Variants in NRXN1 observed in about 807,000 individuals in gnomAD.
The protein encoded by NRXN1 is neurexin 1.
NRXN1 carries 39 observed loss-of-function variants against 150.9 expected under a neutral mutation model. The observed-to-expected ratio is 0.26, with a 90% confidence interval of 0.20 to 0.34. The LOEUF (loss-of-function observed/expected upper bound fraction) is 0.34, where lower values mean the gene tolerates loss of function less well. Among genes scored for constraint, NRXN1 ranks in the 10% least tolerant of loss-of-function variants. The probability of loss-of-function intolerance (pLI) is 1.00; values close to 1 mark genes in which losing one functional copy is unlikely to be tolerated. For synonymous variants in NRXN1, 924 were observed against 757.0 expected (o/e 1.22, Z -3.62); for missense variants, 1,815 against 1,949.9 (o/e 0.93, Z 1.30).
intron 18 of NRXN1, among the ~76,000 whole-genome samples, chr2:50,223,126 G>T (rs1448320796): frequency 2.6e-5 from 4 of 151,748 alleles, no homozygotes; most frequent in African/African-American, 9.7e-5. Flanking sequence ...CCTACAGTAT[G>T]CCTCACTAGT....
chr2:50,491,049 C>A (rs1486604863), intron 15 of NRXN1, among the ~76,000 whole-genome samples: 2 of 152,290 alleles, frequency 1.3e-5, no homozygotes, highest in East Asian at 1.9e-4. Flanking sequence ...GGTGCCATAT[C>A]CTGCTCTAAC....
intron 8 of NRXN1, among the ~76,000 whole-genome samples, chr2:50,607,963 T>G (rs1378236983): frequency 2.6e-5 from 4 of 151,982 alleles, no homozygotes; most frequent in Admixed American, 6.6e-5. Flanking sequence ...GCCCTCAGTG[T>G]AATCAGATGA....
intron 5 of NRXN1, among the ~76,000 whole-genome samples, chr2:50,707,753 A>G (rs1694637235): frequency 6.6e-6 from 1 of 152,170 alleles, no homozygotes; most frequent in African/African-American, 2.4e-5. Context: ...CTCATACGGA[A>G]GAGCATATCC....
chr2:50,474,618 C>T (rs61331194), intron 15 of NRXN1, among the ~76,000 whole-genome samples: 1 of 138,028 alleles, frequency 7.2e-6, no homozygotes, highest in East Asian at 2.3e-4. Context: ...CAGTCTCACA[C>T]AACGTTCCGT....
At chr2:50,082,980 G>A (rs1573805962) in intron 19 of NRXN1, among the ~76,000 whole-genome samples, 1 of 151,606 alleles carries the variant, frequency 6.6e-6, no homozygotes, top group Non-Finnish European at 1.5e-5. Context: ...TTTGTTTTGG[G>A]GGCAAAAAAT....
chr2:50,379,342 G>A (rs1006314360), intron 17 of NRXN1, among the ~76,000 whole-genome samples: 28 of 151,974 alleles, frequency 1.8e-4, no homozygotes, highest in Admixed American at 1.6e-3. Context: ...AGAAAGGCTG[G>A]AAAAAAAGGG....
At chr2:50,535,826 T>G (rs987010960) in intron 10 of NRXN1, among the ~76,000 whole-genome samples, 3 of 152,176 alleles carry the variant, frequency 2.0e-5, no homozygotes, top group African/African-American at 7.2e-5. Context: ...AACATAATTT[T>G]TCCATGTTGA....
At chr2:50,732,362 A>G (rs1244903579) in intron 5 of NRXN1, among the ~76,000 whole-genome samples, 2 of 152,124 alleles carry the variant, frequency 1.3e-5, no homozygotes, top group African/African-American at 4.8e-5. Context: ...AATTACTATT[A>G]GGATAAAAAT....
chr2:50,835,690 A>G (rs1325059458), intron 5 of NRXN1, among the ~76,000 whole-genome samples: 1 of 152,236 alleles, frequency 6.6e-6, no homozygotes, highest in Non-Finnish European at 1.5e-5. Context: ...AAAAATAAAA[A>G]TAATCTTTAA....
intron 17 of NRXN1, among the ~76,000 whole-genome samples, chr2:50,412,297 A>G (rs1053833539): frequency 9.2e-5 from 14 of 151,366 alleles, no homozygotes; most frequent in African/African-American, 3.4e-4. Context: ...GAAACACCCA[A>G]GAATGATCAA....
intron 21 of NRXN1, among the ~76,000 whole-genome samples, chr2:49,947,023 G>A (rs1179112507): frequency 6.6e-6 from 1 of 152,098 alleles, no homozygotes; most frequent in Non-Finnish European, 1.5e-5. Context: ...ATCTTGCTGG[G>A]TAATATACAA....
chr2:50,931,753 G>C (rs1395653826), intron 2 of NRXN1, among the ~76,000 whole-genome samples: 1 of 152,004 alleles, frequency 6.6e-6, no homozygotes, highest in African/African-American at 2.4e-5. Flanking sequence ...TAATTTCAAA[G>C]TTTTATGAAA....
At chr2:50,797,030 T>C (rs1203039982) in intron 5 of NRXN1, among the ~76,000 whole-genome samples, 3 of 152,276 alleles carry the variant, frequency 2.0e-5, no homozygotes, top group Non-Finnish European at 4.4e-5. Context: ...CCTTCTTTTA[T>C]AAGAGCACGA....
At chr2:49,946,566 G>A (rs754990685) in intron 21 of NRXN1, among the ~76,000 whole-genome samples, 3 of 152,104 alleles carry the variant, frequency 2.0e-5, no homozygotes, top group Non-Finnish European at 2.9e-5. Context: ...TGTATAAGGT[G>A]TAAGGAAGGG....
chr2:50,584,999 A>T (rs1672859788), intron 8 of NRXN1, among the ~76,000 whole-genome samples: 2 of 152,178 alleles, frequency 1.3e-5, no homozygotes, highest in East Asian at 3.9e-4. Context: ...TGAGTCGTGC[A>T]CACAAAGTTT....
At chr2:50,551,048 G>GA (rs1323381660) in intron 9 of NRXN1, among the ~76,000 whole-genome samples, 24,388 of 110,188 alleles carry the variant, frequency 0.22, 2,791 homozygotes, top group East Asian at 0.43. Flanking sequence ...GGAAGAGGAA[G>GA]AGGAAGAAGA....
At position 50,503,138 on chromosome 2, in the gene NRXN1, T is replaced by C. The variant is rs149990768; in HGVS notation, c.2497+3357A>G. Among the ~76,000 whole-genome samples the C allele has an allele frequency of 1.8e-3, 274 of 152,048 alleles. 1 individual carries two copies. Among genetic ancestry groups the C allele is most frequent in the African/African-American group, 6.3e-3 (262 of 41,484 alleles). ...GCCTGGCCAACATGGTGAAACCTCA[T>C]CTCTACTAAAACTACAAAAATTAGC... On this transcript the variant is annotated intron_variant, in intron 13 of 22. Transcript: ENST00000401669.
chr2:50,865,925 T>A (rs947665133), intron 5 of NRXN1, among the ~76,000 whole-genome samples: 2 of 151,436 alleles, frequency 1.3e-5, no homozygotes, highest in Admixed American at 1.3e-4. Flanking sequence ...TTAAATAAAG[T>A]CTCAGACCTT....
At chr2:50,577,709 A>AAC (rs145366518) in intron 8 of NRXN1, among the ~76,000 whole-genome samples, 8,820 of 147,228 alleles carry the variant, frequency 0.06, 321 homozygotes, top group African/African-American at 0.11. Flanking sequence ...ACCTGACTGA[A>AAC]ACACACACAC....
Sources: allele counts gnomAD v4.1 joint callset (sites outside exome capture counted in the v4.1 genomes callset), GRCh38; gene constraint gnomAD v4.1.1; transcripts MANE v1.5; gene names NCBI Gene and HGNC (gene_info 2026-07-23, HGNC 2026-07-21).